NLGN1: variants seen among roughly 807,000 people sequenced by gnomAD.
The protein encoded by NLGN1 is neuroligin-1.
In NLGN1, 12 loss-of-function variants were observed where a neutral mutation model predicts 65.5. The observed-to-expected ratio is 0.18, with a 90% CI of 0.12 to 0.30. The LOEUF (loss-of-function observed/expected upper bound fraction) is 0.30, where lower values mean the gene tolerates loss of function less well. NLGN1 is among the 10% of genes least tolerant of loss of function. The pLI, the probability that NLGN1 is intolerant of heterozygous loss-of-function variation, is 1.00. For missense variants in NLGN1, 750 were observed against 1,007.1 expected (o/e 0.74, Z 3.46); for synonymous variants, 350 against 359.5 (o/e 0.97, Z 0.30).
intron 4 of NLGN1, among the ~76,000 whole-genome samples, chr3:174,107,009 CACACACACAGAGAGAGAGAGAG>C (rs1247886737): frequency 8.4e-6 from 1 of 118,834 alleles, no homozygotes; most frequent in African/African-American, 4.0e-5. Flanking sequence ...CACACACACA[CACACACACAGAGAGAGAGAGAG>C]AGAGAGAGAG....
At chr3:173,484,391 T>A (rs991442710) in intron 2 of NLGN1, among the ~76,000 whole-genome samples, 2 of 152,114 alleles carry the variant, frequency 1.3e-5, no homozygotes, top group African/African-American at 4.8e-5. Flanking sequence ...TCTTAAAAAT[T>A]TTCTATTTGT....
intron 3 of NLGN1, among the ~76,000 whole-genome samples, chr3:173,703,007 G>T (rs1767484809): frequency 6.6e-6 from 1 of 151,748 alleles, no homozygotes; most frequent in African/African-American, 2.4e-5. Context: ...CCATGCTAAT[G>T]GCAAAGATAG....
intron 4 of NLGN1, among the ~76,000 whole-genome samples, chr3:173,892,210 G>A (rs1438350655): frequency 7.3e-6 from 1 of 137,194 alleles, no homozygotes; most frequent in East Asian, 2.1e-4. Flanking sequence ...TTATTTTTAT[G>A]TATTTGTATG....
intron 3 of NLGN1, among the ~76,000 whole-genome samples, chr3:173,725,011 A>G (rs374202576): frequency 2.6e-5 from 4 of 151,896 alleles, no homozygotes; most frequent in South Asian, 2.1e-4. Context: ...GAAGGGGAAC[A>G]TCACATCCAG....
intron 3 of NLGN1, among the ~76,000 whole-genome samples, chr3:173,729,074 C>G (rs773298920): frequency 1.3e-5 from 2 of 151,988 alleles, no homozygotes; most frequent in African/African-American, 4.8e-5. Flanking sequence ...TTGTCATATA[C>G]TTTTAAAATG....
intron 4 of NLGN1, among the ~76,000 whole-genome samples, chr3:173,873,305 TC>T (rs909560822): frequency 2.0e-5 from 3 of 152,024 alleles, no homozygotes; most frequent in African/African-American, 7.2e-5. Flanking sequence ...CCCAGGCTGG[TC>T]TCAACTTCCT....
At chr3:173,542,225 A>C (rs1358962476) in intron 2 of NLGN1, among the ~76,000 whole-genome samples, 3 of 151,970 alleles carry the variant, frequency 2.0e-5, no homozygotes, top group Non-Finnish European at 4.4e-5. Flanking sequence ...GCCCTGTCTT[A>C]TTCTTGTATG....
rs34662762 is a variant in NLGN1, at chr3:173,968,687, C to CTTT, written c.646+160882_646+160884dup. ...ACACCCCACAATTACTGAAAATAAT[C>CTTT]TTTTTTTTTTTTTTTTTTTTTTTTT... On this transcript the variant is annotated intron_variant, in intron 4 of 6. Coordinates refer to ENST00000457714, the Ensembl canonical transcript of NLGN1. 1.2e-3 allele frequency among the ~76,000 whole-genome samples: 74 copies of CTTT among 59,476 alleles called. 6 individuals are homozygous for CTTT. Among genetic ancestry groups the CTTT allele is most frequent in the Middle Eastern group, 0.016 (1 of 64 alleles). 39.0% of individuals were successfully genotyped at this position (59,476 alleles called of 152,430 possible).
chr3:173,829,569 TG>T (rs1365965354), intron 4 of NLGN1, among the ~76,000 whole-genome samples: 23 of 104,216 alleles, frequency 2.2e-4, no homozygotes, highest in African/African-American at 7.3e-4. Flanking sequence ...TGTGTGTGTG[TG>T]TTTGTGTGTG....
chr3:173,424,775 T>C (rs183293436), intron 1 of NLGN1, among the ~76,000 whole-genome samples: 1 of 152,258 alleles, frequency 6.6e-6, no homozygotes, highest in East Asian at 1.9e-4. Flanking sequence ...ATTCAACAAG[T>C]CTCTAGGAAG....
Position 173,709,791 on chromosome 3 carries a change from G to A in NLGN1, c.494-97889G>A, listed in dbSNP as rs372953441. Among the ~76,000 whole-genome samples, 8 of 102,504 alleles carry A rather than the reference G, an allele frequency of 7.8e-5. No individual in the cohort carries two copies. In the East Asian group the frequency reaches 1.4e-3, roughly 18 times the overall value. The allele number at this position is 102,504 out of a possible 152,430, so 67.2% of individuals were successfully genotyped here. The stretch of plus-strand genomic sequence containing the variant: ...GAATTACAGCCTGGGCAACGAGAGC[G>A]AAACTCTATCTCAAAAAAAAAAAAA... On this transcript the variant is annotated intron_variant, in intron 3 of 6. Transcript: ENST00000457714.
At chr3:173,953,056 G>A (rs1748533441) in intron 4 of NLGN1, among the ~76,000 whole-genome samples, 1 of 152,148 alleles carries the variant, frequency 6.6e-6, no homozygotes, top group African/African-American at 2.4e-5. Context: ...TGGTATTACA[G>A]GCGTGAGCCA....
At chr3:173,553,953 A>C (rs1239689829) in intron 2 of NLGN1, among the ~76,000 whole-genome samples, 1 of 152,146 alleles carries the variant, frequency 6.6e-6, no homozygotes, top group Non-Finnish European at 1.5e-5. Context: ...CATCAAAGAG[A>C]AGTAGTGAGA....
At chr3:173,405,143 G>A (rs1266147135) in intron 1 of NLGN1, among the ~76,000 whole-genome samples, 2 of 152,026 alleles carry the variant, frequency 1.3e-5, no homozygotes, top group Non-Finnish European at 2.9e-5. Context: ...AAAATAGTAT[G>A]CATGTGTTGA....
chr3:173,531,631 T>A (rs1290812846), intron 2 of NLGN1, among the ~76,000 whole-genome samples: 2 of 151,648 alleles, frequency 1.3e-5, no homozygotes, highest in South Asian at 2.1e-4. Context: ...AGTTCTCATA[T>A]TCTTTATTCC....
chr3:174,141,557 T>C (rs1722277481), intron 4 of NLGN1, among the ~76,000 whole-genome samples: 1 of 152,206 alleles, frequency 6.6e-6, no homozygotes, highest in Non-Finnish European at 1.5e-5. Flanking sequence ...AAAAGATCCA[T>C]ATGTACCTGA....
chr3:174,032,771 GGAGGGCCAGCTCTCCAGGGGAAGACT>G (rs1170063080), intron 4 of NLGN1, among the ~76,000 whole-genome samples: 1 of 152,128 alleles, frequency 6.6e-6, no homozygotes, highest in Non-Finnish European at 1.5e-5. Context: ...TTCTCCACAA[GGAGGGCCAGCTCTCCAGGGGAAGACT>G]GTCAGAGGCT....
chr3:174,041,359 A>C (rs980549955), intron 4 of NLGN1, among the ~76,000 whole-genome samples: 9 of 152,166 alleles, frequency 5.9e-5, no homozygotes, highest in Non-Finnish European at 1.0e-4. Flanking sequence ...GTGTTATTAT[A>C]CCACAGTGTG....
At chr3:173,810,436 G>A (rs1476274727) in intron 4 of NLGN1, among the ~76,000 whole-genome samples, 1 of 152,192 alleles carries the variant, frequency 6.6e-6, no homozygotes, top group African/African-American at 2.4e-5. Flanking sequence ...AGGAAATCCT[G>A]AGCTGTGTTT....
Sources: gnomAD v4.1 joint callset for allele counts (sites outside exome capture counted in the v4.1 genomes callset) on GRCh38, gnomAD v4.1.1 for gene constraint, MANE v1.5 for transcripts, NCBI Gene and HGNC (gene_info 2026-07-23, HGNC 2026-07-21) for gene names.